PAIP2: variants seen among roughly 807,000 people sequenced by gnomAD.
The protein encoded by PAIP2 is polyadenylate-binding protein-interacting protein 2.
A neutral mutation model predicts 14.8 loss-of-function variants in PAIP2; 7 were observed. That is an observed-to-expected ratio of 0.47 (90% CI 0.27 to 0.89). The LOEUF (loss-of-function observed/expected upper bound fraction) is 0.89. Among genes scored for constraint, PAIP2 ranks in the 40% least tolerant of loss-of-function variants. PAIP2 has a pLI of 0.13. For missense variants in PAIP2, 122 were observed against 154.7 expected (o/e 0.79, Z 1.12); for synonymous variants, 47 against 45.3 (o/e 1.04, Z -0.15).
Position 139,342,259 on chromosome 5 carries a change from G to A in PAIP2, c.-27+279G>A, listed in dbSNP as rs1266894419. On this transcript the variant is annotated intron_variant, in intron 1 of 3. Coordinates refer to ENST00000265192, the MANE Select transcript of PAIP2 (RefSeq NM_016480.5). ...TATCCGGGTCCTCAGTGGCGCGAGG[G>A]TTGCCGGGATAGCACTTTCTCCTGT... is the stretch of plus-strand genomic sequence containing the variant. Among the ~76,000 whole-genome samples, 3 of 152,076 alleles carry A rather than the reference G, an allele frequency of 2.0e-5. No individual in the cohort carries two copies. In the East Asian group the frequency reaches 5.8e-4, roughly 29 times the overall value.
rs772360139 is a variant in PAIP2, at chr5:139,368,797, G to A, written c.383G>A (p.Ter128=). The A allele has an allele frequency of 1.2e-6, 2 of 1,607,598 alleles. No individual in the cohort carries two copies. Among genetic ancestry groups the A allele is most frequent in the Non-Finnish European group, 1.7e-6 (2 of 1,174,158 alleles). The part of the protein sequence containing the change: ...FVPGVKYGNI[*] ...CCTGGGGTGAAGTACGGAAATATTT[G>A]AGTAGACGGGGCCCTCTTTTGGTGG... The change falls in exon 4 of 4, where the codon TGA becomes TAA. Residue 128 remains the stop codon, a stop_retained_variant. Coordinates refer to ENST00000265192, the MANE Select transcript of PAIP2 (RefSeq NM_016480.5).
intron 1 of PAIP2, among the ~76,000 whole-genome samples, chr5:139,359,858 G>C (rs770191043): frequency 3.3e-5 from 5 of 151,552 alleles, no homozygotes; most frequent in Non-Finnish European, 7.4e-5. Flanking sequence ...TGTAATCCCA[G>C]CTACACAGGA....
intron 1 of PAIP2, among the ~76,000 whole-genome samples, chr5:139,358,068 A>C (rs917351406): frequency 3.3e-5 from 5 of 151,908 alleles, no homozygotes; most frequent in Non-Finnish European, 7.4e-5. Flanking sequence ...GGGTCTCACT[A>C]TGTTGCCCAT....
At chr5:139,352,413 A>G (rs2152048051) in intron 1 of PAIP2, among the ~76,000 whole-genome samples, 1 of 151,996 alleles carries the variant, frequency 6.6e-6, no homozygotes, top group Non-Finnish European at 1.5e-5. Flanking sequence ...TTTAAAGCAT[A>G]ACATGCCTTG....
rs952579533 is a variant in PAIP2 at position 139,341,904 on chromosome 5, G to A, written c.-103G>A. On this transcript the variant is annotated 5_prime_UTR_variant, in exon 1 of 4. Transcript: ENST00000265192. ...CGGCGGGCGAAGCGCACGTCGAGCG[G>A]GGGAGCGGCGCTGCCTGTGGAGATC... 1 of 152,942 alleles carries A rather than the reference G, an allele frequency of 6.5e-6. No homozygotes were observed. The highest frequency in any genetic ancestry group is 1.5e-5 in the Non-Finnish European group (1 of 68,286). 9.5% of individuals were successfully genotyped at this position (152,942 alleles called of 1,614,324 possible).
chr5:139,348,787 C>G (rs1280458669), intron 1 of PAIP2, among the ~76,000 whole-genome samples: 1 of 151,892 alleles, frequency 6.6e-6, no homozygotes, highest in Non-Finnish European at 1.5e-5. Flanking sequence ...AAGCAATTCT[C>G]CTGCCTCAGC....
intron 1 of PAIP2, among the ~76,000 whole-genome samples, chr5:139,345,952 T>A (rs1756532865): frequency 6.6e-6 from 1 of 152,104 alleles, no homozygotes; most frequent in Non-Finnish European, 1.5e-5. Flanking sequence ...ATGAGAATTC[T>A]TAAAAGATGA....
At chr5:139,359,669 A>AT (rs901226972) in intron 1 of PAIP2, among the ~76,000 whole-genome samples, 3 of 151,910 alleles carry the variant, frequency 2.0e-5, no homozygotes, top group Non-Finnish European at 4.4e-5. Context: ...AGCCTGCCAT[A>AT]TAAGAATGAG....
chr5:139,342,237 C>G (rs1756401069), intron 1 of PAIP2, among the ~76,000 whole-genome samples: 1 of 151,460 alleles, frequency 6.6e-6, no homozygotes, highest in African/African-American at 2.4e-5. Flanking sequence ...AGCTCTCTAT[C>G]CGGGTCCTCA....
chr5:139,354,146 T>C (rs1304195687), intron 1 of PAIP2, among the ~76,000 whole-genome samples: 2 of 152,202 alleles, frequency 1.3e-5, no homozygotes, highest in Non-Finnish European at 2.9e-5. Context: ...TTCAATTTAA[T>C]GTCTGTAGAG....
intron 1 of PAIP2, among the ~76,000 whole-genome samples, chr5:139,347,268 C>CA (rs1554152780): frequency 3.8e-5 from 4 of 105,884 alleles, no homozygotes; most frequent in Non-Finnish European, 7.1e-5. Flanking sequence ...CATGTTACAA[C>CA]TTTTTTTTTT....
chr5:139,345,878 C>T lies in PAIP2; in HGVS notation c.-27+3898C>T, dbSNP rs889199095. Among the ~76,000 whole-genome samples the T allele has an allele frequency of 4.6e-5, 7 of 151,498 alleles. No individual in the cohort carries two copies. In the South Asian group the frequency reaches 6.3e-4, roughly 14 times the overall value. On this transcript the variant is annotated intron_variant, in intron 1 of 3. Coordinates refer to ENST00000265192, the MANE Select transcript of PAIP2 (RefSeq NM_016480.5). ...TCCTGACCTTGTGATCCGCCCACCT[C>T]GGCCTCCCAAAGTGCTGGGATTACA...
intron 1 of PAIP2, among the ~76,000 whole-genome samples, chr5:139,352,780 G>A (rs58906068): frequency 0.012 from 1,862 of 150,930 alleles, 45 homozygotes; most frequent in African/African-American, 0.043. Context: ...CTACCTGCCA[G>A]TTTTATAGTG....
intron 1 of PAIP2, among the ~76,000 whole-genome samples, chr5:139,357,687 G>A (rs6880443): frequency 0.12 from 18,756 of 152,012 alleles, 3,566 homozygotes; most frequent in African/African-American, 0.41. Context: ...AAAAATTAGC[G>A]GGGCATGGTG....
rs1757448654 is a variant in PAIP2, at chr5:139,368,623, A to G, written c.319-110A>G. ...GGGTTTAGTATAGTCTTACAGACTG[A>G]GTTCTTTTGTCTTTTTTTTTTTGGA... On this transcript the variant is annotated intron_variant, in intron 3 of 3. Coordinates refer to ENST00000265192, the MANE Select transcript of PAIP2 (RefSeq NM_016480.5). 14 of 732,844 alleles carry G rather than the reference A, an allele frequency of 1.9e-5. No homozygotes were observed. In the South Asian group the frequency reaches 2.3e-4, roughly 12 times the overall value. 45.4% of individuals were successfully genotyped at this position (732,844 alleles called of 1,614,324 possible). A position where few individuals can be genotyped will look rare whatever the true frequency, so the allele number is the denominator to read the frequency against.
chr5:139,345,288 C>T (rs776288822), intron 1 of PAIP2, among the ~76,000 whole-genome samples: 5 of 152,074 alleles, frequency 3.3e-5, no homozygotes, highest in Non-Finnish European at 7.3e-5. Context: ...ATCCAACGGC[C>T]TTGGCCTCCC....
intron 1 of PAIP2, among the ~76,000 whole-genome samples, chr5:139,350,484 A>G (rs1305140845): frequency 6.6e-6 from 1 of 151,796 alleles, no homozygotes; most frequent in Non-Finnish European, 1.5e-5. Context: ...TGCAAAAATT[A>G]GTGTGTCATG....
At chr5:139,353,883 C>G (rs1453422073) in intron 1 of PAIP2, among the ~76,000 whole-genome samples, 1 of 151,976 alleles carries the variant, frequency 6.6e-6, no homozygotes. Context: ...CCACACCCAC[C>G]TAATTTTTTT....
At chr5:139,343,731 A>C (rs1581283409) in intron 1 of PAIP2, among the ~76,000 whole-genome samples, 1 of 82,650 alleles carries the variant, frequency 1.2e-5, no homozygotes, top group Non-Finnish European at 2.2e-5. Context: ...TTTTTTTTTG[A>C]GATGGAGTCT....
Sources: allele counts gnomAD v4.1 joint callset (sites outside exome capture counted in the v4.1 genomes callset), GRCh38; gene constraint gnomAD v4.1.1; transcripts MANE v1.5; gene names NCBI Gene and HGNC (gene_info 2026-07-23, HGNC 2026-07-21).